ARHGEF1: variants seen among roughly 807,000 people sequenced by gnomAD.
ARHGEF1 encodes Rho guanine nucleotide exchange factor 1.
In ARHGEF1, 40 loss-of-function variants were observed where a neutral mutation model predicts 119.7. The ratio of observed to expected loss-of-function variants is 0.33; its 90% CI spans 0.26 to 0.44. The LOEUF (loss-of-function observed/expected upper bound fraction) is 0.44, where lower values mean the gene tolerates loss of function less well. ARHGEF1 is among the 20% of genes least tolerant of loss of function. The pLI is 1.00. For missense variants in ARHGEF1, 976 were observed against 1,268.3 expected, an observed-to-expected ratio of 0.77 and a Z score of 3.50; for synonymous variants, 494 against 521.0, an observed-to-expected ratio of 0.95 and a Z score of 0.71.
Position 41,892,484 on chromosome 19 carries a change from A to G in ARHGEF1, c.367+111A>G, listed in dbSNP as rs1328476030. On this transcript the variant is annotated intron_variant, in intron 6 of 28. Coordinates refer to ENST00000354532, the MANE Select transcript of ARHGEF1 (RefSeq NM_004706.4). The surrounding 1 kb of genome is among the most constrained non-coding windows in gnomAD (Gnocchi z 6.3). ...TGCTCTGCTCGGACAGCCGAGATTC[A>G]TTCATTCCTTCTTGGCAGCGGCCTC... 1.2e-5 allele frequency: 19 copies of G among 1,590,832 alleles called. No individual in the cohort carries two copies. In the East Asian group the frequency reaches 3.8e-4, roughly 32 times the overall value.
intron 18 of ARHGEF1, among the ~76,000 whole-genome samples, chr19:41,914,562 CATCTCT>C (rs1202939543): frequency 0.01 from 786 of 76,832 alleles, 46 homozygotes; most frequent in African/African-American, 0.021. Flanking sequence ...CCCCTTCCAC[CATCTCT>C]GTCTCCGTCT....
intron 4 of ARHGEF1, among the ~76,000 whole-genome samples, chr19:41,891,350 T>A (rs2074373664): frequency 6.6e-6 from 1 of 152,150 alleles, no homozygotes; most frequent in South Asian, 2.1e-4. Context: ...TGGCACAATC[T>A]CCACTCACTG....
chr19:41,885,098 C>G (rs1555845024), intron 1 of ARHGEF1, among the ~76,000 whole-genome samples: 1 of 152,108 alleles, frequency 6.6e-6, no homozygotes, highest in East Asian at 1.9e-4. Flanking sequence ...CCCCAGCGCC[C>G]CATGCACGCA....
chr19:41,899,075 CT>C (rs2123479208), intron 14 of ARHGEF1, among the ~76,000 whole-genome samples: 1 of 152,178 alleles, frequency 6.6e-6, no homozygotes, highest in East Asian at 1.9e-4. Flanking sequence ...TCACTGCAGC[CT>C]TACCCTCCCA....
chr19:41,892,346 G>T lies in ARHGEF1; in HGVS notation c.340G>T (p.Val114Phe). ...TCTTGAGCAGGTTCTCCGGGTGCCG[G>T]TCCCTCCCAACGTCGCCTTTGAACT... ...LEKTAVLRVP[V>F]PPNVAFELDR... The change falls in exon 6 of 29, where the codon GTC (valine) becomes TTC (phenylalanine). Residue 114 changes from valine to phenylalanine, a missense_variant. Transcript: ENST00000354532. This position sits in a 1 kb window ranked among gnomAD's most constrained non-coding sequence, Gnocchi z 6.3. 1.9e-6 allele frequency: 3 copies of T among 1,614,030 alleles called. No homozygotes were observed. Among genetic ancestry groups the T allele is most frequent in the Non-Finnish European group, 1.7e-6 (2 of 1,180,028 alleles).
chr19:41,908,077 C>CA (rs1555850845), downstream of ARHGEF1: 3 of 519,616 alleles, frequency 5.8e-6, no homozygotes, highest in Non-Finnish European at 8.9e-6. This position sits in a 1 kb window ranked among gnomAD's most constrained non-coding sequence, Gnocchi z 6.7. Flanking sequence ...AGACCCCCCC[C>CA]ACTCTGGGGC....
intron 1 of ARHGEF1, chr19:41,884,330 C>G: frequency 7.7e-7 from 1 of 1,296,102 alleles, no homozygotes; most frequent in Non-Finnish European, 1.1e-6. Context: ...CGGAGCCCGG[C>G]AGGAGCCGGG....
chr19:41,887,614 G>A (rs552319534), intron 1 of ARHGEF1, among the ~76,000 whole-genome samples: 3 of 152,204 alleles, frequency 2.0e-5, no homozygotes, highest in Admixed American at 1.3e-4. Context: ...TCCTGTCCCA[G>A]GCCTGTCACA....
At position 41,906,583 on chromosome 19, in the gene ARHGEF1, AC is replaced by A; in HGVS notation, c.2620del (p.Leu874CysfsTer8). 2.5e-6 allele frequency: 4 copies of A among 1,604,904 alleles called. No individual in the cohort carries two copies. Among genetic ancestry groups the A allele is most frequent in the Non-Finnish European group, 3.4e-6 (4 of 1,177,330 alleles). ...SPARTQEIQE[N>X]LLSLEETMKQ... is the part of the protein sequence containing the mutation. ...GCACGGACCCAGGAAATCCAGGAGA[AC>A]CTGCTCAGCTTGGAGGAGACCATGA... On this transcript the variant is annotated frameshift_variant, in exon 27 of 29. Coordinates refer to ENST00000354532, the MANE Select transcript of ARHGEF1 (RefSeq NM_004706.4). LOFTEE classifies it high-confidence loss of function. This position sits in a 1 kb window ranked among gnomAD's most constrained non-coding sequence, Gnocchi z 4.5.
chr19:41,902,802 C>T lies in ARHGEF1; in HGVS notation c.1642C>T (p.Arg548Trp), dbSNP rs782602658. ...CCCGCAGGAAGCTGAGAGCCGCCCG[C>T]GGTGCCGCCGCCTGCAGCTGAAGGA... ...AFVQEAESRPRCRRLQLKDMI... is the reference protein window; with the variant it reads ...AFVQEAESRPWCRRLQLKDMI... Residue 548 changes from arginine (R) to tryptophan (W), a missense_variant, in exon 18 of 29, where the codon CGG (arginine) becomes TGG (tryptophan). Physicochemically the swap from Arg to Trp is moderately radical, Grantham distance 101 (BLOSUM62 -3). This residue lies in a region of ARHGEF1 where 286 missense variants were observed against 506.8 expected (regional missense o/e 0.56). Transcript: ENST00000354532. This position sits in a 1 kb window ranked among gnomAD's most constrained non-coding sequence, Gnocchi z 6.5. 30 of 1,612,862 alleles carry T rather than the reference C, an allele frequency of 1.9e-5. No individual in the cohort carries two copies. The highest frequency in any genetic ancestry group is 2.2e-5 in the East Asian group (1 of 44,896).
chr19:41,896,469 G>T lies in ARHGEF1; in HGVS notation c.1108G>T (p.Ala370Ser). 2 of 1,485,764 alleles carry T rather than the reference G, an allele frequency of 1.3e-6. No homozygotes were observed. Among genetic ancestry groups the T allele is most frequent in the Admixed American group, 2.4e-5 (1 of 41,662 alleles). The allele number at this position is 1,485,764 out of a possible 1,614,324, so 92.0% of individuals were successfully genotyped here. ...LAPPESTDEG[A>S]ETESPEPGDE... Reference sequence around the variant, plus strand: ...GCCCCCAGAGAGTACCGACGAGGGGGCCGAAACCGAGAGGTGCCCAGGCTG... The same window carrying T: ...GCCCCCAGAGAGTACCGACGAGGGGTCCGAAACCGAGAGGTGCCCAGGCTG... Residue 370 changes from alanine (A) to serine (S), a missense_variant, in exon 13 of 29, where the codon GCC becomes TCC. Transcript: ENST00000354532.
chr19:41,892,024 G>A lies in ARHGEF1; in HGVS notation c.226-1G>A. On this transcript the variant is annotated splice_acceptor_variant, in intron 4 of 28. Transcript: ENST00000354532. LOFTEE classifies it high-confidence loss of function. The surrounding 1 kb of genome is among the most constrained non-coding windows in gnomAD (Gnocchi z 6.3). ...AGAGTCATGCTGTGTGTCTCCCCCAGCTTTGCTGTCTGCATGCCGACATGC... is the reference window on the plus strand; with the variant it reads ...AGAGTCATGCTGTGTGTCTCCCCCAACTTTGCTGTCTGCATGCCGACATGC... 6.2e-7 allele frequency: 1 copy of A among 1,604,346 alleles called. No individual in the cohort carries two copies. Among genetic ancestry groups the A allele is most frequent in the Non-Finnish European group, 8.5e-7 (1 of 1,173,704 alleles).
intron 13 of ARHGEF1, 189 bp from the exon 14 acceptor site, chr19:41,898,253 A>G: frequency 1.5e-6 from 2 of 1,297,948 alleles, no homozygotes; most frequent in Non-Finnish European, 1.0e-6. Flanking sequence ...TTGGAGGAGG[A>G]GGGGGTAGAA....
chr19:41,920,643 G>A (rs1481862887), upstream of ARHGEF1, among the ~76,000 whole-genome samples: 1 of 152,208 alleles, frequency 6.6e-6, no homozygotes, highest in Non-Finnish European at 1.5e-5. Context: ...CTGTGCCCAG[G>A]AGCACGCATG....
exon 1 of ARHGEF1, chr19:41,923,223 C>T: frequency 2.2e-6 from 1 of 455,796 alleles, no homozygotes; most frequent in South Asian, 1.6e-5. Context: ...TGAGCCTGGA[C>T]TTGAATGCAG....
At position 41,901,883 on chromosome 19, in the gene ARHGEF1, G is replaced by T. The variant is rs984171315; in HGVS notation, c.1268-4G>T. The T allele has an allele frequency of 1.2e-6, 2 of 1,608,344 alleles. No individual in the cohort carries two copies. The highest frequency in any genetic ancestry group is 1.7e-5 in the Admixed American group (1 of 59,996). On this transcript the variant is annotated splice_polypyrimidine_tract_variant and splice_region_variant and intron_variant, in intron 14 of 28. Transcript: ENST00000354532. ...ACATGCTTCCTGCTTTGGTGGCCCT[G>T]CAGAGCTGCTGGTGACAGAGGCGGC...
chr19:41,898,161 A>G lies in ARHGEF1; in HGVS notation c.1122-281A>G, dbSNP rs1311211710. The G allele has an allele frequency of 5.0e-6, 7 of 1,409,544 alleles. No homozygotes were observed. The East Asian group carries it at 1.9e-4, about 39-fold the overall frequency. The allele number at this position is 1,409,544 out of a possible 1,614,324, so 87.3% of individuals were successfully genotyped here. A position where few individuals can be genotyped will look rare whatever the true frequency, so the allele number is the denominator to read the frequency against. Reference sequence around the variant, plus strand: ...CCCATCCACTAAGGCAGCCTGGAGAATCAGGGAGGGATTGTTGTCAGAGTC... The same window carrying G: ...CCCATCCACTAAGGCAGCCTGGAGAGTCAGGGAGGGATTGTTGTCAGAGTC... On this transcript the variant is annotated intron_variant, in intron 13 of 28. Transcript: ENST00000354532.
At chr19:41,893,142 C>A in intron 7 of ARHGEF1, 132 bp from the exon 8 acceptor site, 1 of 1,279,996 alleles carries the variant, frequency 7.8e-7, no homozygotes, top group Non-Finnish European at 1.1e-6. Flanking sequence ...CTTCCCAATC[C>A]CTTCCACAGT....
chr19:41,907,328 G>A lies in ARHGEF1; in HGVS notation c.*241G>A, dbSNP rs1396973456. 2.0e-6 allele frequency: 3 copies of A among 1,534,218 alleles called. No individual in the cohort carries two copies. In the East Asian group the frequency reaches 7.4e-5, roughly 38 times the overall value. On this transcript the variant is annotated 3_prime_UTR_variant, in exon 29 of 29. Transcript: ENST00000354532. ...GGGCTCCATTCTGGAGGGCACCACG[G>A]TGACCCGGGCCATCTCAGTATTGCC...
Sources: allele counts gnomAD v4.1 joint callset (sites outside exome capture counted in the v4.1 genomes callset), GRCh38; gene constraint gnomAD v4.1.1; regional missense constraint gnomAD v4.1.1; non-coding constraint Gnocchi (gnomAD v3.1); transcripts MANE v1.5; gene names NCBI Gene and HGNC (gene_info 2026-07-23, HGNC 2026-07-21).